Variants in TMPRSS4 observed in about 807,000 individuals in gnomAD.
TMPRSS4 encodes transmembrane protease serine 4.
Under a neutral mutation model 56.4 loss-of-function variants are expected in TMPRSS4, and 45 were observed. The observed-to-expected ratio is 0.80, with a 90% CI of 0.63 to 1.02. The LOEUF is 1.02. Ranked by LOEUF, TMPRSS4 falls within the 50% of genes least tolerant of loss-of-function variation. TMPRSS4 has a pLI of 0.00. For missense variants in TMPRSS4, 546 were observed against 556.7 expected, an observed-to-expected ratio of 0.98 and a Z score of 0.19; for synonymous variants, 205 against 211.0, an observed-to-expected ratio of 0.97 and a Z score of 0.25.
chr11:118,090,672 G>A (rs1945878779), intron 1 of TMPRSS4, among the ~76,000 whole-genome samples: 1 of 151,264 alleles, frequency 6.6e-6, no homozygotes, highest in African/African-American at 2.4e-5. Flanking sequence ...CAGCTACTCA[G>A]GAGACTGAGG....
chr11:118,087,996 A>T (rs1005993339), intron 1 of TMPRSS4, among the ~76,000 whole-genome samples: 1 of 150,378 alleles, frequency 6.6e-6, no homozygotes, highest in Admixed American at 6.6e-5. Context: ...CTCTACCTTC[A>T]CACCGAGGAA....
At chr11:118,090,928 G>A (rs1220481045) in intron 1 of TMPRSS4, among the ~76,000 whole-genome samples, 2 of 152,168 alleles carry the variant, frequency 1.3e-5, no homozygotes, top group East Asian at 3.9e-4. Flanking sequence ...TTGTGCCTCA[G>A]CTTCTAGCAC....
intron 2 of TMPRSS4, chr11:118,095,181 G>T (rs1946219427): frequency 3.2e-6 from 1 of 314,140 alleles, no homozygotes. Context: ...CTGGATGCTG[G>T]GCTATAACAC....
At chr11:118,115,009 C>T in intron 10 of TMPRSS4, 82 bp downstream of exon 10, 1 of 1,547,242 alleles carries the variant, frequency 6.5e-7, no homozygotes. Context: ...GAAGGAGGAC[C>T]ACCCTTCAGA....
chr11:118,102,872 T>C, intron 3 of TMPRSS4: 1 of 551,078 alleles, frequency 1.8e-6, no homozygotes, highest in Non-Finnish European at 3.2e-6. Flanking sequence ...TGACCTCTCT[T>C]GACTCCGCAG....
At chr11:118,111,661 G>C (rs1947283323) in intron 7 of TMPRSS4, 80 bp from the exon 8 acceptor site, 1 of 1,248,674 alleles carries the variant, frequency 8.0e-7, no homozygotes, top group Non-Finnish European at 1.1e-6. Flanking sequence ...GCTTAGAGCA[G>C]ATTTTGGGTG....
intron 1 of TMPRSS4, chr11:118,086,837 A>T (rs1033759831): frequency 3.3e-5 from 5 of 152,796 alleles, no homozygotes; most frequent in Non-Finnish European, 5.9e-5. Flanking sequence ...GCAAGTGGAG[A>T]GGACACAGCT....
At chr11:118,093,332 T>C (rs977297477) in intron 1 of TMPRSS4, among the ~76,000 whole-genome samples, 3 of 152,200 alleles carry the variant, frequency 2.0e-5, no homozygotes, top group Non-Finnish European at 4.4e-5. Context: ...CAGCCAGAAA[T>C]GTACAAGGTC....
chr11:118,098,150 T>C (rs1355459471), intron 2 of TMPRSS4, among the ~76,000 whole-genome samples: 1 of 152,216 alleles, frequency 6.6e-6, no homozygotes, highest in Non-Finnish European at 1.5e-5. Context: ...GCCTTCAGGA[T>C]AAAACCCAGG....
chr11:118,096,052 G>A (rs974228698), intron 2 of TMPRSS4, among the ~76,000 whole-genome samples: 4 of 152,136 alleles, frequency 2.6e-5, no homozygotes, highest in African/African-American at 9.7e-5. Context: ...ACTCACTCTT[G>A]GAGAAAACAA....
chr11:118,113,188 C>T (rs1176821516), intron 8 of TMPRSS4, 81 bp from the exon 9 acceptor site: 2 of 1,449,404 alleles, frequency 1.4e-6, no homozygotes, highest in East Asian at 2.4e-5. Flanking sequence ...CACCCCGATC[C>T]CTAGGGCCCT....
At chr11:118,098,928 A>G in intron 2 of TMPRSS4, 57 bp from the exon 3 acceptor site, 1 of 1,408,986 alleles carries the variant, frequency 7.1e-7, no homozygotes, top group Non-Finnish European at 1.0e-6. Flanking sequence ...AGTTTGGCTC[A>G]GGGATCACCA....
At position 118,118,568 on chromosome 11, in the gene TMPRSS4, C is replaced by T. The variant is rs758742445; in HGVS notation, c.*655C>T. 3.8e-4 allele frequency: 378 copies of T among 985,414 alleles called. No homozygotes were observed. Among genetic ancestry groups the T allele is most frequent in the Non-Finnish European group, 4.2e-4 (350 of 829,990 alleles). 61.0% of individuals were successfully genotyped at this position (985,414 alleles called of 1,614,324 possible). A position where few individuals can be genotyped will look rare whatever the true frequency, so the allele number is the denominator to read the frequency against. The stretch of plus-strand genomic sequence containing the variant: ...AAGCAATTGAGTCTCAAAGTAGAGG[C>T]AGGGGAAAAAAGAGTTAGGGAGACC... On this transcript the variant is annotated 3_prime_UTR_variant, in exon 13 of 13. Transcript: ENST00000437212.
intron 1 of TMPRSS4, among the ~76,000 whole-genome samples, chr11:118,079,150 T>G (rs1457979154): frequency 6.6e-6 from 1 of 151,936 alleles, no homozygotes; most frequent in Non-Finnish European, 1.5e-5. Flanking sequence ...CACGGTGTGG[T>G]CAAGGAAGTT....
Position 118,120,458 on chromosome 11 carries a change from C to T in TMPRSS4, c.*2545C>T, listed in dbSNP as rs1277907312. ...CAGTTTGCAGGAGTTACTATTTCTC[C>T]ATATCCCCCCTAACACTTGCTATTT... On this transcript the variant is annotated 3_prime_UTR_variant, in exon 13 of 13. Coordinates refer to ENST00000437212, the MANE Select transcript of TMPRSS4 (RefSeq NM_019894.4). The T allele has an allele frequency of 1.3e-5, 2 of 152,136 alleles. No homozygotes were observed. Among genetic ancestry groups the T allele is most frequent in the East Asian group, 3.8e-4 (2 of 5,198 alleles). The allele number at this position is 152,136 out of a possible 1,614,324, so 9.4% of individuals were successfully genotyped here.
intron 7 of TMPRSS4, among the ~76,000 whole-genome samples, chr11:118,110,537 T>C (rs1233149242): frequency 3.3e-5 from 5 of 152,072 alleles, no homozygotes; most frequent in African/African-American, 1.2e-4. Flanking sequence ...CATGCCCGGC[T>C]AATTTTTGTA....
intron 9 of TMPRSS4, 132 bp downstream of exon 9, chr11:118,113,567 T>A: frequency 1.0e-6 from 1 of 995,746 alleles, no homozygotes; most frequent in African/African-American, 1.6e-5. Context: ...TTGTCTCTAA[T>A]ACGTCAGCCT....
rs1947120535 is a variant in TMPRSS4 at position 118,108,640 on chromosome 11, A to C, written c.543-216A>C. ...AGGCAGGGCCCAGCACACAGTAGGT[A>C]CTCAGCAGTGGGGGTGTTGAATCCA... On this transcript the variant is annotated intron_variant, in intron 6 of 12. Coordinates refer to ENST00000437212, the MANE Select transcript of TMPRSS4 (RefSeq NM_019894.4). The C allele has an allele frequency of 6.8e-6, 4 of 589,630 alleles. No homozygotes were observed. In the Admixed American group the frequency reaches 9.0e-5, roughly 13 times the overall value. 36.5% of individuals were successfully genotyped at this position (589,630 alleles called of 1,614,324 possible).
Position 118,092,184 on chromosome 11 carries a change from GTAA to G in TMPRSS4, c.4-2631_4-2629del, listed in dbSNP as rs1390078868. Reference sequence around the variant, plus strand: ...ATGCTACAGAAGTGCAGAGGATGGTGTAACCGCCCAAGGGGTTCACCTTGCCCG... The same window carrying G: ...ATGCTACAGAAGTGCAGAGGATGGTGCCGCCCAAGGGGTTCACCTTGCCCG... On this transcript the variant is annotated intron_variant, in intron 1 of 12. Transcript: ENST00000437212. 2.8e-3 allele frequency among the ~76,000 whole-genome samples: 425 copies of G among 152,356 alleles called. 2 individuals carry two copies. The highest frequency in any genetic ancestry group is 9.3e-3 in the African/African-American group (388 of 41,586).
Sources: allele counts gnomAD v4.1 joint callset (sites outside exome capture counted in the v4.1 genomes callset), GRCh38; gene constraint gnomAD v4.1.1; transcripts MANE v1.5; gene names NCBI Gene and HGNC (gene_info 2026-07-23, HGNC 2026-07-21).